PTPRN2: variants seen among roughly 807,000 people sequenced by gnomAD.
PTPRN2 encodes the protein protein tyrosine phosphatase receptor type N2, also known as receptor-type tyrosine-protein phosphatase N2.
Under a neutral mutation model 118.8 loss-of-function variants are expected in PTPRN2, and 74 were observed. The ratio of observed to expected loss-of-function variants is 0.62; its 90% CI spans 0.52 to 0.76. PTPRN2 has a LOEUF of 0.76. Among genes scored for constraint, PTPRN2 ranks in the 30% least tolerant of loss-of-function variants. PTPRN2 has a pLI of 0.00. For missense variants in PTPRN2, 1,481 were observed against 1,394.4 expected, an observed-to-expected ratio of 1.06 and a Z score of -0.99; for synonymous variants, 641 against 608.0, an observed-to-expected ratio of 1.05 and a Z score of -0.80.
Position 158,531,929 on chromosome 7 carries a change from G to A in PTPRN2, c.113-42144C>T, listed in dbSNP as rs902794923. 1.1e-4 allele frequency among the ~76,000 whole-genome samples: 16 copies of A among 152,332 alleles called. No homozygotes were observed. The South Asian group carries it at 3.3e-3, about 32-fold the overall frequency. ...ACGTGCCTAAACACTTAGGTGCGCC[G>A]AGAAGCCCAGGCATTTGGGGTTTCC... On this transcript the variant is annotated intron_variant, in intron 1 of 22. Transcript: ENST00000389418.
At chr7:158,043,194 A>T (rs1047123787) in intron 11 of PTPRN2, among the ~76,000 whole-genome samples, 8 of 152,082 alleles carry the variant, frequency 5.3e-5, no homozygotes, top group African/African-American at 1.9e-4. Context: ...AGAAAAAAAT[A>T]CCAAAAAAAA....
chr7:158,456,121 C>T (rs1818469601), intron 2 of PTPRN2, among the ~76,000 whole-genome samples: 1 of 146,326 alleles, frequency 6.8e-6, no homozygotes, highest in Non-Finnish European at 1.5e-5. Flanking sequence ...ACAACAGCCA[C>T]CCATCACTCT....
intron 2 of PTPRN2, among the ~76,000 whole-genome samples, chr7:158,409,777 C>T (rs1174422083): frequency 6.6e-6 from 1 of 152,188 alleles, no homozygotes; most frequent in East Asian, 1.9e-4. Flanking sequence ...CCTCACAGAG[C>T]ATGCCGACAT....
chr7:157,898,459 C>A (rs1300419843), intron 12 of PTPRN2, among the ~76,000 whole-genome samples: 1 of 152,228 alleles, frequency 6.6e-6, no homozygotes, highest in Non-Finnish European at 1.5e-5. Context: ...ATCAGGACTT[C>A]AAAGGCCCTA....
In PTPRN2 at chr7:157,671,103, C is replaced by T. The variant is rs151065742; in HGVS notation, c.2001+11622G>A. On this transcript the variant is annotated intron_variant, in intron 13 of 22. Transcript: ENST00000389418. The surrounding 1 kb of genome is among the most constrained non-coding windows in gnomAD (Gnocchi z 4.1). ...GTTTCCAAGAGGGTTTACATGCTCCCCCGCCCCCCGTCCCCTGCCCACAGA... is the reference window on the plus strand; with the variant it reads ...GTTTCCAAGAGGGTTTACATGCTCCTCCGCCCCCCGTCCCCTGCCCACAGA... Among the ~76,000 whole-genome samples the T allele has an allele frequency of 3.6e-3, 521 of 143,504 alleles. 4 individuals carry two copies. The highest frequency in any genetic ancestry group is 0.012 in the African/African-American group (497 of 40,160). 94.1% of individuals were successfully genotyped at this position (143,504 alleles called of 152,430 possible).
chr7:157,840,780 A>G (rs1392281241), intron 12 of PTPRN2, among the ~76,000 whole-genome samples: 1 of 152,242 alleles, frequency 6.6e-6, no homozygotes, highest in Non-Finnish European at 1.5e-5. Flanking sequence ...TCAGGGGGAC[A>G]GGTTGTTTCT....
chr7:158,184,397 G>C (rs1484325040), intron 5 of PTPRN2, among the ~76,000 whole-genome samples: 1 of 151,996 alleles, frequency 6.6e-6, no homozygotes, highest in African/African-American at 2.4e-5. Flanking sequence ...ATATTTAATT[G>C]TTGCTAGTAT....
intron 12 of PTPRN2, among the ~76,000 whole-genome samples, chr7:157,708,628 C>T (rs2150882029): frequency 6.6e-6 from 1 of 152,240 alleles, no homozygotes; most frequent in East Asian, 1.9e-4. Flanking sequence ...CTCATGTGTG[C>T]CCCAACTTCC....
rs1429721589 is a variant in PTPRN2 at position 157,881,462 on chromosome 7, G to T, written c.1788+17211C>A. On this transcript the variant is annotated intron_variant, in intron 12 of 22. Coordinates refer to ENST00000389418, the MANE Select transcript of PTPRN2 (RefSeq NM_002847.5). This position sits in a 1 kb window ranked among gnomAD's most constrained non-coding sequence, Gnocchi z 4.7. ...CAGCCCTGCCCACACCTTGATCTTG[G>T]ACTTCAGCCACCAGGATTGTGAGCA... Among the ~76,000 whole-genome samples, 2 of 152,080 alleles carry T rather than the reference G, an allele frequency of 1.3e-5. No individual in the cohort carries two copies. The highest frequency in any genetic ancestry group is 2.9e-5 in the Non-Finnish European group (2 of 68,020).
chr7:158,518,669 T>G (rs915848774), intron 1 of PTPRN2, among the ~76,000 whole-genome samples: 2 of 151,964 alleles, frequency 1.3e-5, no homozygotes. Context: ...AGGCTAAGGG[T>G]CAAACATTCG....
At chr7:157,707,412 G>A (rs1798390032) in intron 12 of PTPRN2, among the ~76,000 whole-genome samples, 1 of 152,018 alleles carries the variant, frequency 6.6e-6, no homozygotes. Context: ...AGATAGAGTC[G>A]ACACTATATT....
At chr7:158,428,289 G>T (rs981849151) in intron 2 of PTPRN2, among the ~76,000 whole-genome samples, 12 of 152,132 alleles carry the variant, frequency 7.9e-5, no homozygotes, top group Non-Finnish European at 1.6e-4. Flanking sequence ...CGTCGGACGT[G>T]ACTCGCAGCG....
intron 2 of PTPRN2, among the ~76,000 whole-genome samples, chr7:158,402,076 G>A (rs977448825): frequency 7.2e-5 from 11 of 152,142 alleles, no homozygotes; most frequent in African/African-American, 2.7e-4. Context: ...GCGGGACACG[G>A]GGTGTGAAAG....
intron 2 of PTPRN2, among the ~76,000 whole-genome samples, chr7:158,387,577 AG>A (rs1336778537): frequency 6.1e-3 from 918 of 150,412 alleles, no homozygotes; most frequent in Middle Eastern, 0.01. Flanking sequence ...CTGTCAGCTC[AG>A]CTTGGCCCGG....
At chr7:157,771,688 C>A (rs1307540128) in intron 12 of PTPRN2, among the ~76,000 whole-genome samples, 2 of 151,870 alleles carry the variant, frequency 1.3e-5, no homozygotes, top group African/African-American at 4.8e-5. Context: ...GACACACATG[C>A]AGACACACAA....
chr7:157,881,556 G>T lies in PTPRN2; in HGVS notation c.1788+17117C>A, dbSNP rs191531451. On this transcript the variant is annotated intron_variant, in intron 12 of 22. Transcript: ENST00000389418. The surrounding 1 kb of genome is among the most constrained non-coding windows in gnomAD (Gnocchi z 4.7). ...TGTGGCAGCCAGAGAGGACGCACATGGTCAACATGGCAACACCCCCTCAGT... is the reference window on the plus strand; with the variant it reads ...TGTGGCAGCCAGAGAGGACGCACATTGTCAACATGGCAACACCCCCTCAGT... Among the ~76,000 whole-genome samples the T allele has an allele frequency of 4.0e-3, 607 of 152,206 alleles. 6 individuals carry two copies. Among genetic ancestry groups the T allele is most frequent in the East Asian group, 6.6e-3 (34 of 5,178 alleles).
intron 11 of PTPRN2, chr7:158,028,156 T>C (rs1807411466): frequency 6.6e-6 from 1 of 152,252 alleles, no homozygotes; most frequent in African/African-American, 2.4e-5. Flanking sequence ...ACATCCACGC[T>C]GTTGTCTCCT....
chr7:157,761,045 T>C (rs1357882280), intron 12 of PTPRN2, among the ~76,000 whole-genome samples: 5 of 151,334 alleles, frequency 3.3e-5, no homozygotes, highest in African/African-American at 9.7e-5. Context: ...TTACAAGGGA[T>C]GTGAAGGACC....
At chr7:158,560,087 TG>T (rs1368187788) in intron 1 of PTPRN2, among the ~76,000 whole-genome samples, 2 of 152,262 alleles carry the variant, frequency 1.3e-5, no homozygotes, top group Non-Finnish European at 2.9e-5. Context: ...AAACAGCATT[TG>T]TCCTTTTAGG....
Sources: allele counts gnomAD v4.1 joint callset (sites outside exome capture counted in the v4.1 genomes callset), GRCh38; gene constraint gnomAD v4.1.1; non-coding constraint Gnocchi (gnomAD v3.1); transcripts MANE v1.5; gene names NCBI Gene and HGNC (gene_info 2026-07-23, HGNC 2026-07-21).